FRG2: variants seen among roughly 807,000 people sequenced by gnomAD.
The protein encoded by FRG2 is FSHD region gene 2.
FRG2 carries 9 observed loss-of-function variants against 24.9 expected under a neutral mutation model. The ratio of observed to expected loss-of-function variants is 0.36; its 90% CI spans 0.22 to 0.63. The LOEUF is 0.63. FRG2 is among the 20% of genes least tolerant of loss of function. The probability of loss-of-function intolerance (pLI) is 0.68; values close to 1 mark genes in which losing one functional copy is unlikely to be tolerated. For synonymous variants in FRG2, 51 were observed against 117.2 expected (o/e 0.44, Z 3.65); for missense variants, 126 against 305.4 (o/e 0.41, Z 4.38).
rs1739508945 is a variant in FRG2, at chr4:190,025,821, C to A, written c.580G>T (p.Val194Leu). ...SEAVYQDLAQ[V>L]WAQQIHSPLT... ...GGAGAATGGATCTGCTGTGCCCACA[C>A]CTGGGCTAGGTCTTGATAAACAGCC... The change falls in exon 4 of 4, where the codon GTG becomes TTG. Residue 194 changes from valine (V) to leucine (L), a missense_variant. Around this residue, in one of 4 missense-constraint regions of FRG2, gnomAD observed 30 missense variants for 107.1 expected, o/e 0.28. Transcript: ENST00000504750. 6.2e-7 allele frequency: 1 copy of A among 1,613,478 alleles called. No individual in the cohort carries two copies. The highest frequency in any genetic ancestry group is 8.5e-7 in the Non-Finnish European group (1 of 1,179,792).
In FRG2 at chr4:190,026,004, C is replaced by T; in HGVS notation, c.397G>A (p.Val133Met). ...LNKKSRSSTA[V>M]HNSEIQETCD... The stretch of plus-strand genomic sequence containing the variant: ...GTCTCCTGGATTTCACTGTTGTGCA[C>T]AGCAGTGGAGGATCTTGATTTTTTA... The change falls in exon 4 of 4, where the codon GTG becomes ATG. Residue 133 changes from valine (V) to methionine (M), a missense_variant. This residue lies in a region of FRG2 where 75 missense variants were observed against 89.1 expected (regional missense o/e 0.84). Coordinates refer to ENST00000504750, the MANE Select transcript of FRG2 (RefSeq NM_001286820.2). The T allele has an allele frequency of 1.9e-6, 3 of 1,613,982 alleles. No homozygotes were observed. Among genetic ancestry groups the T allele is most frequent in the South Asian group, 2.2e-5 (2 of 91,074 alleles).
chr4:190,024,743 C>T lies in FRG2; in HGVS notation c.*818G>A. 6.6e-6 allele frequency: 1 copy of T among 152,286 alleles called. No individual in the cohort carries two copies. The highest frequency in any genetic ancestry group is 2.1e-4 in the South Asian group (1 of 4,826). 9.4% of individuals were successfully genotyped at this position (152,286 alleles called of 1,614,324 possible). ...ATGTAGAAATATTAAAAGTAAACAG[C>T]TTGCATAGTAATTTTACTATAATTA... On this transcript the variant is annotated 3_prime_UTR_variant, in exon 4 of 4. Transcript: ENST00000504750.
In FRG2 at chr4:190,025,964, T is replaced by C; in HGVS notation, c.437A>G (p.His146Arg). Residue 146 changes from histidine (H) to arginine (R), a missense_variant, in exon 4 of 4, where the codon CAT (histidine) becomes CGT (arginine). His to Arg is a conservative substitution (Grantham distance 29). Transcript: ENST00000504750. ...SEIQETCDAH[H>R]RGHSRACTGH... is the part of the protein sequence containing the mutation. ...AGTGCAAGCCCTGGAATGTCCCCTA[T>C]GGTGGGCATCACAGGTCTCCTGGAT... 2 of 1,614,030 alleles carry C rather than the reference T, an allele frequency of 1.2e-6. No individual in the cohort carries two copies. The highest frequency in any genetic ancestry group is 4.5e-5 in the East Asian group (2 of 44,886).
rs1739487356 is a variant in FRG2 at position 190,025,452 on chromosome 4, C to T, written c.*109G>A. The T allele has an allele frequency of 7.0e-6, 3 of 426,904 alleles. No homozygotes were observed. The highest frequency in any genetic ancestry group is 7.9e-6 in the Non-Finnish European group (2 of 252,740). 26.4% of individuals were successfully genotyped at this position (426,904 alleles called of 1,614,324 possible). ...TTCTTCAGGTTCTGTCATTTATTAA[C>T]ACAGTGTGTCTAAAATTGTCACTGC... On this transcript the variant is annotated 3_prime_UTR_variant, in exon 4 of 4. Transcript: ENST00000504750.
Position 190,025,890 on chromosome 4 carries a change from A to T in FRG2, c.511T>A (p.Ser171Thr). Residue 171 changes from serine (S) to threonine (T), a missense_variant, in exon 4 of 4, where the codon TCA becomes ACA. By Grantham distance (58) the Ser-to-Thr change is moderately conservative. Around this residue, in one of 4 missense-constraint regions of FRG2, gnomAD observed 75 missense variants for 89.1 expected, o/e 0.84. Transcript: ENST00000504750. Reference protein sequence around the residue: ...RSRALGVQTPSIRKSLVTSVR... With the variant: ...RSRALGVQTPTIRKSLVTSVR... ...GAAGTCACCAAGCTTTTTCGAATTG[A>T]CGGTGTTTGGACTCCTAGGGCCCGA... 6.2e-7 allele frequency: 1 copy of T among 1,613,968 alleles called. No homozygotes were observed. The highest frequency in any genetic ancestry group is 8.5e-7 in the Non-Finnish European group (1 of 1,179,856).
Position 190,025,065 on chromosome 4 carries a change from C to G in FRG2, c.*496G>C, listed in dbSNP as rs1442685077. ...GGCATAGCAGTACATGCCTGTAGTCCCAGCTGCTTGGGAGGCTGAGGCATG... is the reference window on the plus strand; with the variant it reads ...GGCATAGCAGTACATGCCTGTAGTCGCAGCTGCTTGGGAGGCTGAGGCATG... On this transcript the variant is annotated 3_prime_UTR_variant, in exon 4 of 4. Transcript: ENST00000504750. 8.9e-6 allele frequency: 1 copy of G among 111,874 alleles called. No homozygotes were observed. Among genetic ancestry groups the G allele is most frequent in the African/African-American group, 3.2e-5 (1 of 30,920 alleles). The allele number at this position is 111,874 out of a possible 1,614,324, so 6.9% of individuals were successfully genotyped here.
At position 190,025,883 on chromosome 4, in the gene FRG2, C is replaced by A. The variant is rs1281858577; in HGVS notation, c.518G>T (p.Arg173Leu). ...TCGCACAGAAGTCACCAAGCTTTTT[C>A]GAATTGACGGTGTTTGGACTCCTAG... Reference protein sequence around the residue: ...RALGVQTPSIRKSLVTSVRAM... With the variant: ...RALGVQTPSILKSLVTSVRAM... Residue 173 changes from arginine (R) to leucine (L), a missense_variant, in exon 4 of 4, where the codon CGA becomes CTA. Coordinates refer to ENST00000504750, the MANE Select transcript of FRG2 (RefSeq NM_001286820.2). 1.9e-6 allele frequency: 3 copies of A among 1,613,978 alleles called. No individual in the cohort carries two copies. In the Admixed American group the frequency reaches 5.0e-5, roughly 27 times the overall value.
chr4:190,025,952 G>A lies in FRG2; in HGVS notation c.449C>T (p.Ser150Phe), dbSNP rs1216668443. ...ETCDAHHRGHSRACTGHSKRH... is the reference protein window; with the variant it reads ...ETCDAHHRGHFRACTGHSKRH... The stretch of plus-strand genomic sequence containing the variant: ...CTTGCTGTGCCCAGTGCAAGCCCTG[G>A]AATGTCCCCTATGGTGGGCATCACA... Residue 150 changes from serine to phenylalanine, a missense_variant, in exon 4 of 4, where the codon TCC becomes TTC. Around this residue, in one of 4 missense-constraint regions of FRG2, gnomAD observed 75 missense variants for 89.1 expected, o/e 0.84. Transcript: ENST00000504750. The A allele has an allele frequency of 6.6e-5, 107 of 1,614,024 alleles. No homozygotes were observed. In the African/African-American group the frequency reaches 9.2e-4, roughly 14 times the overall value.
chr4:190,026,599 G>GCA, intron 2 of FRG2, 92 bp downstream of exon 2: 1 of 653,514 alleles, frequency 1.5e-6, no homozygotes. Context: ...GGATCTGTAC[G>GCA]GCCCTGGCTG....
Position 190,026,739 on chromosome 4 carries a change from TCTC to T in FRG2, c.205_207del (p.Glu69del). 2 of 515,142 alleles carry T rather than the reference TCTC, an allele frequency of 3.9e-6. No individual in the cohort carries two copies. Among genetic ancestry groups the T allele is most frequent in the Non-Finnish European group, 6.6e-6 (2 of 304,974 alleles). 31.9% of individuals were successfully genotyped at this position (515,142 alleles called of 1,614,324 possible). On this transcript the variant is annotated inframe_deletion, in exon 2 of 4. Coordinates refer to ENST00000504750, the MANE Select transcript of FRG2 (RefSeq NM_001286820.2). The stretch of plus-strand genomic sequence containing the variant: ...GCCTTGAGCTTGGTTTCCTCAGAAT[TCTC>T]CTTGTTTGGATTGGGCTCCGATCCT...
At position 190,025,728 on chromosome 4, in the gene FRG2, A is replaced by T. The variant is rs1739500970; in HGVS notation, c.673T>A (p.Leu225Met). The T allele has an allele frequency of 6.3e-7, 1 of 1,599,462 alleles. No homozygotes were observed. Among genetic ancestry groups the T allele is most frequent in the Non-Finnish European group, 8.5e-7 (1 of 1,173,486 alleles). Residue 225 changes from leucine to methionine, a missense_variant, in exon 4 of 4, where the codon TTG becomes ATG. Leu to Met is a conservative substitution (Grantham distance 15). Transcript: ENST00000504750. ...RGPLCAQVQT[L>M]YSMATQAAYV... Reference sequence around the variant, plus strand: ...GCTGCCTGGGTGGCCATGGAATACAAGGTCTGCACCTGGGCACACAGAGGC... The same window carrying T: ...GCTGCCTGGGTGGCCATGGAATACATGGTCTGCACCTGGGCACACAGAGGC...
rs1169911100 is a variant in FRG2, at chr4:190,024,917, C to T, written c.*644G>A. 3 of 131,932 alleles carry T rather than the reference C, an allele frequency of 2.3e-5. No individual in the cohort carries two copies. The highest frequency in any genetic ancestry group is 5.2e-5 in the African/African-American group (2 of 38,148). The allele number at this position is 131,932 out of a possible 1,614,324, so 8.2% of individuals were successfully genotyped here. On this transcript the variant is annotated 3_prime_UTR_variant, in exon 4 of 4. Transcript: ENST00000504750. ...GAAGCAATTTCTTGGTAAGGCGGCT[C>T]ATGCCTGTAATCCCAGCACGTTGGG...
At position 190,026,003 on chromosome 4, in the gene FRG2, A is replaced by C; in HGVS notation, c.398T>G (p.Val133Gly). The C allele has an allele frequency of 6.2e-7, 1 of 1,613,970 alleles. No individual in the cohort carries two copies. The highest frequency in any genetic ancestry group is 8.5e-7 in the Non-Finnish European group (1 of 1,179,848). Residue 133 changes from valine (V) to glycine (G), a missense_variant, in exon 4 of 4, where the codon GTG becomes GGG. This residue lies in a region of FRG2 where 75 missense variants were observed against 89.1 expected (regional missense o/e 0.84). Transcript: ENST00000504750. ...LNKKSRSSTAVHNSEIQETCD... is the reference protein window; with the variant it reads ...LNKKSRSSTAGHNSEIQETCD... ...GGTCTCCTGGATTTCACTGTTGTGC[A>C]CAGCAGTGGAGGATCTTGATTTTTT... is the stretch of plus-strand genomic sequence containing the variant.
chr4:190,026,245 A>T (rs1739534818), intron 3 of FRG2, 139 bp downstream of exon 3: 1 of 918,620 alleles, frequency 1.1e-6, no homozygotes, highest in African/African-American at 1.7e-5. Context: ...CAGAGTGCTA[A>T]GATCTCAAAA....
chr4:190,024,569 C>T lies in FRG2; in HGVS notation c.*992G>A, dbSNP rs1739444495. 2 of 148,208 alleles carry T rather than the reference C, an allele frequency of 1.3e-5. No individual in the cohort carries two copies. Among genetic ancestry groups the T allele is most frequent in the Non-Finnish European group, 3.0e-5 (2 of 66,752 alleles). 9.2% of individuals were successfully genotyped at this position (148,208 alleles called of 1,614,324 possible). A position where few individuals can be genotyped will look rare whatever the true frequency, so the allele number is the denominator to read the frequency against. On this transcript the variant is annotated 3_prime_UTR_variant, in exon 4 of 4. Transcript: ENST00000504750. The stretch of plus-strand genomic sequence containing the variant: ...ACTGTATTGTAGTACGTGATGAAAT[C>T]TCCATATCCTGCAATATAGTACAAT...
chr4:190,026,590 GA>G, intron 2 of FRG2, 100 bp downstream of exon 2: 1 of 738,500 alleles, frequency 1.4e-6, no homozygotes. Flanking sequence ...CAGTGTCCAG[GA>G]TCTGTACGGC....
chr4:190,024,749 T>C lies in FRG2; in HGVS notation c.*812A>G, dbSNP rs1180756348. The C allele has an allele frequency of 6.6e-6, 1 of 152,246 alleles. No individual in the cohort carries two copies. The highest frequency in any genetic ancestry group is 2.4e-5 in the African/African-American group (1 of 41,478). 9.4% of individuals were successfully genotyped at this position (152,246 alleles called of 1,614,324 possible). A position where few individuals can be genotyped will look rare whatever the true frequency, so the allele number is the denominator to read the frequency against. ...AAATATTAAAAGTAAACAGCTTGCA[T>C]AGTAATTTTACTATAATTATATCAA... On this transcript the variant is annotated 3_prime_UTR_variant, in exon 4 of 4. Transcript: ENST00000504750.
Position 190,025,909 on chromosome 4 carries a change from G to A in FRG2, c.492C>T (p.Ala164=). The change falls in exon 4 of 4, where the codon GCC becomes GCT. Residue 164 remains alanine (A), a synonymous_variant. Coordinates refer to ENST00000504750, the MANE Select transcript of FRG2 (RefSeq NM_001286820.2). ...GAATTGACGGTGTTTGGACTCCTAGGGCCCGAGACCTATGCCGCTTGCTGT... is the reference window on the plus strand; with the variant it reads ...GAATTGACGGTGTTTGGACTCCTAGAGCCCGAGACCTATGCCGCTTGCTGT... ...TGHSKRHRSR[A]LGVQTPSIRK... is the part of the protein sequence containing the mutation. 6.2e-7 allele frequency: 1 copy of A among 1,614,014 alleles called. No homozygotes were observed. Among genetic ancestry groups the A allele is most frequent in the South Asian group, 1.1e-5 (1 of 91,076 alleles).
chr4:190,024,746 G>T lies in FRG2; in HGVS notation c.*815C>A, dbSNP rs1739455538. On this transcript the variant is annotated 3_prime_UTR_variant, in exon 4 of 4. Coordinates refer to ENST00000504750, the MANE Select transcript of FRG2 (RefSeq NM_001286820.2). ...TAGAAATATTAAAAGTAAACAGCTT[G>T]CATAGTAATTTTACTATAATTATAT... is the stretch of plus-strand genomic sequence containing the variant. 6.6e-6 allele frequency: 1 copy of T among 152,184 alleles called. No homozygotes were observed. The highest frequency in any genetic ancestry group is 2.4e-5 in the African/African-American group (1 of 41,472). The allele number at this position is 152,184 out of a possible 1,614,324, so 9.4% of individuals were successfully genotyped here. A position where few individuals can be genotyped will look rare whatever the true frequency, so the allele number is the denominator to read the frequency against.
Sources: gnomAD v4.1 joint callset for allele counts on GRCh38, gnomAD v4.1.1 for gene constraint, gnomAD v4.1.1 regional missense constraint, MANE v1.5 for transcripts, NCBI Gene and HGNC (gene_info 2026-07-23, HGNC 2026-07-21) for gene names.